AXDND1: variants seen among roughly 807,000 people sequenced by gnomAD.
The protein encoded by AXDND1 is axonemal dynein light chain domain-containing protein 1.
AXDND1 carries 110 observed loss-of-function variants against 137.5 expected under a neutral mutation model. That is an observed-to-expected ratio of 0.80 (90% CI 0.69 to 0.94). AXDND1 has a LOEUF of 0.94. Among genes scored for constraint, AXDND1 ranks in the 40% least tolerant of loss-of-function variants. The pLI, the probability that AXDND1 is intolerant of heterozygous loss-of-function variation, is 0.00. For synonymous variants in AXDND1, 414 were observed against 399.7 expected (o/e 1.04, Z -0.43); for missense variants, 1,191 against 1,169.8 (o/e 1.02, Z -0.26).
chr1:179,375,950 A>T (rs1001144672), intron 4 of AXDND1, among the ~76,000 whole-genome samples: 1 of 152,164 alleles, frequency 6.6e-6, no homozygotes, highest in Non-Finnish European at 1.5e-5. Flanking sequence ...ATATTTCAGG[A>T]TCTTCCTGGG....
intron 25 of AXDND1, chr1:179,551,668 C>G (rs1673300182): frequency 8.6e-6 from 5 of 579,058 alleles, no homozygotes; most frequent in Non-Finnish European, 1.5e-5. Flanking sequence ...TAGGAGCCAT[C>G]ACAAGTATAA....
chr1:179,442,220 G>A (rs112005125), intron 15 of AXDND1, among the ~76,000 whole-genome samples: 2,674 of 152,276 alleles, frequency 0.018, 65 homozygotes, highest in African/African-American at 0.059. Context: ...GGAAGAGGCG[G>A]TATAGGCCAC....
At chr1:179,525,265 A>G in intron 21 of AXDND1, 69 bp from the exon 22 acceptor site, 1 of 1,452,558 alleles carries the variant, frequency 6.9e-7, no homozygotes, top group South Asian at 1.3e-5. Context: ...GTGCTCATTA[A>G]ATATTTTGAA....
intron 16 of AXDND1, among the ~76,000 whole-genome samples, 164 bp downstream of exon 16, chr1:179,445,368 ATACAT>A (rs1252880535): frequency 2.6e-5 from 4 of 152,194 alleles, no homozygotes; most frequent in Admixed American, 2.0e-4. Context: ...TATAATTTAT[ATACAT>A]TACAATTCAC....
intron 12 of AXDND1, among the ~76,000 whole-genome samples, chr1:179,419,721 G>C (rs1655389576): frequency 6.6e-6 from 1 of 151,902 alleles, no homozygotes; most frequent in African/African-American, 2.4e-5. Flanking sequence ...ATTTTAAATA[G>C]AGCTGCTTTC....
At chr1:179,455,730 T>G (rs1040726950) in intron 16 of AXDND1, 2 of 158,398 alleles carry the variant, frequency 1.3e-5, no homozygotes, top group African/African-American at 2.4e-5. Flanking sequence ...TAAGAATGGA[T>G]CCCCAACATT....
chr1:179,374,668 G>C (rs144473675), intron 4 of AXDND1, among the ~76,000 whole-genome samples: 17 of 152,162 alleles, frequency 1.1e-4, no homozygotes, highest in African/African-American at 3.6e-4. Flanking sequence ...AGTTCATGTC[G>C]TTTGTAGGGA....
chr1:179,553,347 A>T (rs945576299), intron 25 of AXDND1, among the ~76,000 whole-genome samples: 10 of 152,248 alleles, frequency 6.6e-5, no homozygotes, highest in Non-Finnish European at 4.4e-5. Flanking sequence ...CAAAAAGCAG[A>T]AACAACCTAA....
intron 21 of AXDND1, among the ~76,000 whole-genome samples, chr1:179,517,392 A>C (rs1006423430): frequency 3.9e-5 from 6 of 152,200 alleles, no homozygotes; most frequent in African/African-American, 1.4e-4. Flanking sequence ...GCTGCAAAAG[A>C]AAAGAGTTTT....
chr1:179,393,619 T>C (rs1000470911), intron 9 of AXDND1, among the ~76,000 whole-genome samples: 2 of 152,198 alleles, frequency 1.3e-5, no homozygotes, highest in African/African-American at 4.8e-5. Flanking sequence ...TGTGTTTCCA[T>C]TTGTTTGTGT....
At chr1:179,460,190 A>G (rs1662116468) in intron 16 of AXDND1, among the ~76,000 whole-genome samples, 1 of 150,528 alleles carries the variant, frequency 6.6e-6, no homozygotes, top group Admixed American at 6.6e-5. Flanking sequence ...TCTCGCTCCC[A>G]CCTCCCCCCA....
chr1:179,499,376 A>G (rs1248957645), intron 20 of AXDND1, among the ~76,000 whole-genome samples: 1 of 152,148 alleles, frequency 6.6e-6, no homozygotes, highest in Non-Finnish European at 1.5e-5. Flanking sequence ...CACATAAAAT[A>G]TTTCAAAAGA....
At chr1:179,386,655 T>C (rs1049765912) in intron 9 of AXDND1, among the ~76,000 whole-genome samples, 1 of 152,188 alleles carries the variant, frequency 6.6e-6, no homozygotes, top group African/African-American at 2.4e-5. Flanking sequence ...TCTATTGCTA[T>C]ACCTTCAAGT....
chr1:179,465,199 T>C (rs1662952816), intron 16 of AXDND1, among the ~76,000 whole-genome samples: 1 of 152,230 alleles, frequency 6.6e-6, no homozygotes, highest in African/African-American at 2.4e-5. Flanking sequence ...GAAGAGATGC[T>C]CTGATTTTTA....
chr1:179,477,674 A>AGCTACTTTGAAGT (rs1664807821), intron 17 of AXDND1, among the ~76,000 whole-genome samples: 1 of 152,160 alleles, frequency 6.6e-6, no homozygotes, highest in African/African-American at 2.4e-5. Flanking sequence ...AAACCATATC[A>AGCTACTTTGAAGT]TTTTGCCCCT....
intron 12 of AXDND1, among the ~76,000 whole-genome samples, chr1:179,417,208 A>G (rs945000154): frequency 8.3e-6 from 1 of 120,914 alleles, no homozygotes; most frequent in African/African-American, 3.2e-5. Flanking sequence ...TTTTTTTGCT[A>G]TTGAGTTGTT....
At chr1:179,409,007 T>C (rs1170171633) in intron 11 of AXDND1, among the ~76,000 whole-genome samples, 1 of 147,452 alleles carries the variant, frequency 6.8e-6, no homozygotes, top group Non-Finnish European at 1.5e-5. Flanking sequence ...ATGACATTGG[T>C]ATTTTGATAG....
intron 16 of AXDND1, among the ~76,000 whole-genome samples, chr1:179,446,606 T>C (rs564518560): frequency 1.3e-5 from 2 of 152,326 alleles, no homozygotes; most frequent in South Asian, 4.1e-4. Context: ...AAAATGTCCT[T>C]TATTGGGAGT....
intron 12 of AXDND1, among the ~76,000 whole-genome samples, chr1:179,418,604 TGGCCGGGCGGGG>T (rs1655078057): frequency 3.4e-5 from 5 of 147,160 alleles, no homozygotes; most frequent in South Asian, 2.2e-4. Flanking sequence ...ACGGGGCGGC[TGGCCGGGCGGGG>T]GGCTGACCCC....
Sources: allele counts gnomAD v4.1 joint callset (sites outside exome capture counted in the v4.1 genomes callset), GRCh38; gene constraint gnomAD v4.1.1; transcripts MANE v1.5; gene names NCBI Gene and HGNC (gene_info 2026-07-23, HGNC 2026-07-21).